The following CACNA2D3 variants were observed in gnomAD, a reference collection of about 807,000 sequenced individuals.
CACNA2D3 encodes the protein calcium voltage-gated channel auxiliary subunit alpha2delta 3.
A neutral mutation model predicts 160.6 loss-of-function variants in CACNA2D3; 60 were observed. The ratio of observed to expected loss-of-function variants is 0.37; its 90% CI spans 0.30 to 0.46. The LOEUF is 0.46. CACNA2D3 is among the 20% of genes least tolerant of loss of function. The pLI, the probability that CACNA2D3 is intolerant of heterozygous loss-of-function variation, is 1.00. For missense variants in CACNA2D3, 1,205 were observed against 1,365.0 expected (o/e 0.88, Z 1.85); for synonymous variants, 558 against 492.9 (o/e 1.13, Z -1.75).
At chr3:54,979,119 A>C (rs28751072) in intron 29 of CACNA2D3, among the ~76,000 whole-genome samples, 26,502 of 152,138 alleles carry the variant, frequency 0.17, 2,501 homozygotes, top group East Asian at 0.3. Context: ...TACCCCAGAT[A>C]TCTATGAGTT....
chr3:54,136,003 C>A (rs1699808240), intron 2 of CACNA2D3, among the ~76,000 whole-genome samples: 1 of 152,348 alleles, frequency 6.6e-6, no homozygotes, highest in African/African-American at 2.4e-5. Context: ...AGCCCTGAGC[C>A]CCATGCCTTG....
intron 17 of CACNA2D3, among the ~76,000 whole-genome samples, chr3:54,863,475 A>C (rs547894661): frequency 6.6e-6 from 1 of 152,250 alleles, no homozygotes; most frequent in African/African-American, 2.4e-5. Context: ...CTCCCAGCTC[A>C]ACTACTCAGC....
chr3:54,937,649 G>A (rs1701363802), intron 27 of CACNA2D3, among the ~76,000 whole-genome samples: 1 of 152,202 alleles, frequency 6.6e-6, no homozygotes, highest in African/African-American at 2.4e-5. Flanking sequence ...AGCCTGAGAG[G>A]TGAGGGCAGG....
chr3:54,640,565 A>C (rs931329931), intron 10 of CACNA2D3, among the ~76,000 whole-genome samples: 2 of 152,230 alleles, frequency 1.3e-5, no homozygotes, highest in African/African-American at 4.8e-5. Context: ...AAAATCTTAC[A>C]TAAAGCTGAA....
chr3:54,495,340 T>G (rs894840431), intron 4 of CACNA2D3, among the ~76,000 whole-genome samples: 5 of 152,206 alleles, frequency 3.3e-5, no homozygotes, highest in African/African-American at 1.2e-4. Flanking sequence ...TTTAGTGACT[T>G]TAATTTTTTT....
chr3:54,263,822 G>A (rs1702449660), intron 2 of CACNA2D3, among the ~76,000 whole-genome samples: 1 of 152,118 alleles, frequency 6.6e-6, no homozygotes, highest in Non-Finnish European at 1.5e-5. Context: ...ATCTACATAA[G>A]GTACGCATGA....
At position 55,073,553 on chromosome 3, in the gene CACNA2D3, C is replaced by A. The variant is rs768687803; in HGVS notation, c.3096C>A (p.Ile1032=). Residue 1032 remains isoleucine, a synonymous_variant, in exon 36 of 38, where the codon ATC becomes ATA. Transcript: ENST00000474759. The part of the protein sequence containing the change: ...VAPITMAPIE[I]RYNESLKCER... ...CCATCACCATGGCACCCATTGAAAT[C>A]AGGTATATCCTTTTGTGTGCAGGTC... is the stretch of plus-strand genomic sequence containing the variant. The A allele has an allele frequency of 2.5e-6, 4 of 1,612,180 alleles. No individual in the cohort carries two copies. The South Asian group carries it at 3.3e-5, about 13-fold the overall frequency.
intron 3 of CACNA2D3, among the ~76,000 whole-genome samples, chr3:54,364,735 T>C (rs1489665519): frequency 1.3e-5 from 2 of 152,226 alleles, no homozygotes; most frequent in Non-Finnish European, 2.9e-5. Flanking sequence ...ATATAGACCA[T>C]AACTCACAGA....
At chr3:54,875,961 C>T (rs566842627) in intron 18 of CACNA2D3, among the ~76,000 whole-genome samples, 1 of 152,150 alleles carries the variant, frequency 6.6e-6, no homozygotes, top group African/African-American at 2.4e-5. Flanking sequence ...TCAAGGTATG[C>T]CACTGATGTT....
chr3:54,596,950 A>T (rs574586116), intron 9 of CACNA2D3, among the ~76,000 whole-genome samples: 6 of 152,100 alleles, frequency 3.9e-5, no homozygotes, highest in Admixed American at 1.3e-4. Context: ...CATGTGACCT[A>T]GTTTCTCACT....
At chr3:54,821,247 A>C (rs1046468031) in intron 14 of CACNA2D3, among the ~76,000 whole-genome samples, 1 of 152,250 alleles carries the variant, frequency 6.6e-6, no homozygotes, top group Admixed American at 6.5e-5. Flanking sequence ...AGCAAACCAC[A>C]TCTCTAATCC....
At chr3:54,135,424 G>A (rs1559858041) in intron 2 of CACNA2D3, among the ~76,000 whole-genome samples, 1 of 152,222 alleles carries the variant, frequency 6.6e-6, no homozygotes, top group African/African-American at 2.4e-5. Flanking sequence ...GCATCCTGCA[G>A]GCACAATGGT....
At chr3:54,950,184 G>A (rs959116478) in intron 27 of CACNA2D3, among the ~76,000 whole-genome samples, 1 of 152,234 alleles carries the variant, frequency 6.6e-6, no homozygotes, top group African/African-American at 2.4e-5. Context: ...AGCCGAGGTA[G>A]CTTTCTTGTT....
intron 11 of CACNA2D3, among the ~76,000 whole-genome samples, chr3:54,703,192 C>G (rs533998204): frequency 1.3e-5 from 2 of 151,964 alleles, no homozygotes; most frequent in South Asian, 4.2e-4. Context: ...GCAATTTACT[C>G]ATGTAACAAA....
intron 4 of CACNA2D3, among the ~76,000 whole-genome samples, chr3:54,433,354 ATAT>A (rs1700016589): frequency 6.6e-6 from 1 of 152,226 alleles, no homozygotes; most frequent in Non-Finnish European, 1.5e-5. Flanking sequence ...TGATAAATAA[ATAT>A]TGAATACATG....
intron 11 of CACNA2D3, among the ~76,000 whole-genome samples, chr3:54,684,492 C>T (rs1211950126): frequency 6.6e-6 from 1 of 152,208 alleles, no homozygotes; most frequent in Non-Finnish European, 1.5e-5. Context: ...GGATCAAGCA[C>T]ATCATCTGAA....
intron 4 of CACNA2D3, among the ~76,000 whole-genome samples, chr3:54,497,332 T>G (rs1036982740): frequency 9.2e-5 from 14 of 152,080 alleles, no homozygotes; most frequent in African/African-American, 3.4e-4. Context: ...TGCACATAGT[T>G]TAATATACAC....
intron 2 of CACNA2D3, among the ~76,000 whole-genome samples, chr3:54,282,397 T>C (rs957411360): frequency 6.6e-5 from 10 of 152,284 alleles, no homozygotes; most frequent in African/African-American, 1.9e-4. Context: ...ATAGTAGCCA[T>C]TAGCCAGCAA....
chr3:54,996,173 A>G (rs1428499881), intron 31 of CACNA2D3, among the ~76,000 whole-genome samples: 28 of 152,256 alleles, frequency 1.8e-4, no homozygotes, highest in Admixed American at 1.0e-3. Context: ...TTGCTATGAA[A>G]TATGGACCTG....
Sources: allele counts gnomAD v4.1 joint callset (sites outside exome capture counted in the v4.1 genomes callset), GRCh38; gene constraint gnomAD v4.1.1; transcripts MANE v1.5; gene names NCBI Gene and HGNC (gene_info 2026-07-23, HGNC 2026-07-21).